The following SPATS2 variants were observed in gnomAD, a reference collection of about 807,000 sequenced individuals.
SPATS2 encodes the protein spermatogenesis-associated serine-rich protein 2.
Under a neutral mutation model 63.7 loss-of-function variants are expected in SPATS2, and 38 were observed. The observed-to-expected ratio is 0.60, with a 90% CI of 0.46 to 0.78. The LOEUF (loss-of-function observed/expected upper bound fraction) is 0.78. Ranked by LOEUF, SPATS2 falls within the 30% of genes least tolerant of loss-of-function variation. The pLI is 0.00. For missense variants in SPATS2, 588 were observed against 666.2 expected (o/e 0.88, Z 1.29); for synonymous variants, 207 against 232.9 (o/e 0.89, Z 1.01).
At chr12:49,389,526 C>T in intron 2 of SPATS2, 1 of 927,858 alleles carries the variant, frequency 1.1e-6, no homozygotes. Flanking sequence ...ATGAGTTGCA[C>T]AATTGAGAAG....
At chr12:49,420,090 T>TA (rs1157230320) in intron 2 of SPATS2, among the ~76,000 whole-genome samples, 2 of 152,220 alleles carry the variant, frequency 1.3e-5, no homozygotes, top group Non-Finnish European at 2.9e-5. Flanking sequence ...CTATGCTTCT[T>TA]AGAGTCCTAA....
At position 49,526,134 on chromosome 12, in the gene SPATS2, A is replaced by T; in HGVS notation, c.1517A>T (p.His506Leu). The change falls in exon 14 of 14, where the codon CAC becomes CTC. Residue 506 changes from histidine to leucine, a missense_variant. Coordinates refer to ENST00000552918, the MANE Select transcript of SPATS2 (RefSeq NM_023071.4). ...AACACCATTGAAAGAGGCCAGACTCACTCTGCAGGGACCAATGGAACTGGA... is the reference window on the plus strand; with the variant it reads ...AACACCATTGAAAGAGGCCAGACTCTCTCTGCAGGGACCAATGGAACTGGA... ...PGNTIERGQT[H>L]SAGTNGTGVS... 6.2e-7 allele frequency: 1 copy of T among 1,614,116 alleles called. No individual in the cohort carries two copies. The highest frequency in any genetic ancestry group is 8.5e-7 in the Non-Finnish European group (1 of 1,180,008).
intron 3 of SPATS2, among the ~76,000 whole-genome samples, chr12:49,483,668 G>A (rs190446052): frequency 6.4e-4 from 98 of 152,222 alleles, no homozygotes; most frequent in Admixed American, 5.8e-3. Context: ...GTATTACCGT[G>A]GTTTTTTTGT....
At chr12:49,388,779 C>T (rs1444613460) in intron 2 of SPATS2, among the ~76,000 whole-genome samples, 1 of 151,622 alleles carries the variant, frequency 6.6e-6, no homozygotes, top group Non-Finnish European at 1.5e-5. Flanking sequence ...ACTTCAGCCT[C>T]AACCTCCCAG....
At chr12:49,461,591 G>T (rs1419485608) in intron 3 of SPATS2, among the ~76,000 whole-genome samples, 1 of 152,168 alleles carries the variant, frequency 6.6e-6, no homozygotes. Context: ...GTGAACAACA[G>T]CACTAGAACT....
chr12:49,367,504 C>G lies in SPATS2; in HGVS notation c.-390C>G, dbSNP rs567724963. 2 of 399,010 alleles carry G rather than the reference C, an allele frequency of 5.0e-6. No homozygotes were observed. Among genetic ancestry groups the G allele is most frequent in the Non-Finnish European group, 8.8e-6 (2 of 226,828 alleles). 24.7% of individuals were successfully genotyped at this position (399,010 alleles called of 1,614,324 possible). A position where few individuals can be genotyped will look rare whatever the true frequency, so the allele number is the denominator to read the frequency against. On this transcript the variant is annotated 5_prime_UTR_variant, in exon 1 of 14. Transcript: ENST00000552918. ...CTCTAGAAGGGGAGGTGGAGGATCT[C>G]CTTTCCTCTTCTCAGACCCGGGAGC...
At chr12:49,441,087 C>T (rs998204895) in intron 2 of SPATS2, among the ~76,000 whole-genome samples, 3 of 152,170 alleles carry the variant, frequency 2.0e-5, no homozygotes, top group Non-Finnish European at 2.9e-5. Flanking sequence ...AAGCACTATT[C>T]TAAGTGCATT....
chr12:49,429,263 T>TA (rs1324148705), intron 2 of SPATS2, among the ~76,000 whole-genome samples: 2 of 152,212 alleles, frequency 1.3e-5, no homozygotes, highest in African/African-American at 2.4e-5. Context: ...TTCTTTTTTT[T>TA]ATTAAAAAAA....
chr12:49,369,402 C>T (rs149647541), intron 1 of SPATS2, among the ~76,000 whole-genome samples: 1 of 152,140 alleles, frequency 6.6e-6, no homozygotes, highest in Non-Finnish European at 1.5e-5. Flanking sequence ...TTATCTCATT[C>T]AATCCTCACA....
In SPATS2 at chr12:49,460,991, T is replaced by C; in HGVS notation, c.-22T>C. On this transcript the variant is annotated 5_prime_UTR_variant, in exon 3 of 14. Coordinates refer to ENST00000552918, the MANE Select transcript of SPATS2 (RefSeq NM_023071.4). The stretch of plus-strand genomic sequence containing the variant: ...CAAAAGGATACTTTTCTTGTATATT[T>C]TTTGAGATCGAAGAAACGACAATGT... The C allele has an allele frequency of 1.2e-6, 2 of 1,613,702 alleles. No individual in the cohort carries two copies. The highest frequency in any genetic ancestry group is 8.5e-7 in the Non-Finnish European group (1 of 1,179,810).
intron 2 of SPATS2, among the ~76,000 whole-genome samples, chr12:49,438,604 T>C (rs931522919): frequency 6.6e-6 from 1 of 152,232 alleles, no homozygotes; most frequent in Non-Finnish European, 1.5e-5. Context: ...TATTGTCTAT[T>C]TTTAAAAAAT....
chr12:49,421,370 A>G (rs992687712), intron 2 of SPATS2, among the ~76,000 whole-genome samples: 2 of 137,138 alleles, frequency 1.5e-5, no homozygotes, highest in Non-Finnish European at 3.1e-5. Context: ...GTGAGTGGAG[A>G]TGACACCACT....
At chr12:49,486,963 T>C (rs1440611503) in intron 4 of SPATS2, among the ~76,000 whole-genome samples, 3 of 152,146 alleles carry the variant, frequency 2.0e-5, no homozygotes, top group Non-Finnish European at 2.9e-5. Context: ...TCTTTTCTCA[T>C]CTTATTTTAA....
intron 2 of SPATS2, chr12:49,389,781 T>G (rs1944387967): frequency 1.7e-6 from 2 of 1,207,556 alleles, no homozygotes; most frequent in African/African-American, 3.0e-5. Context: ...ATTGCGTACA[T>G]CCCTGGAAGA....
At chr12:49,478,229 T>C (rs560978980) in intron 3 of SPATS2, among the ~76,000 whole-genome samples, 4 of 152,320 alleles carry the variant, frequency 2.6e-5, no homozygotes, top group Non-Finnish European at 5.9e-5. Flanking sequence ...TACTCCTATC[T>C]TGGCCTCCCA....
chr12:49,442,690 G>A (rs993115058), intron 2 of SPATS2: 1 of 149,514 alleles, frequency 6.7e-6, no homozygotes, highest in African/African-American at 2.5e-5. Context: ...AGGCTGAGGT[G>A]GGAGGATTGC....
intron 2 of SPATS2, among the ~76,000 whole-genome samples, chr12:49,436,706 C>T (rs1263406674): frequency 1.4e-5 from 2 of 139,096 alleles, no homozygotes; most frequent in Non-Finnish European, 3.1e-5. Context: ...CCTCACCTCC[C>T]GGATGGGGCG....
intron 2 of SPATS2, among the ~76,000 whole-genome samples, chr12:49,380,720 T>G (rs1165034119): frequency 6.6e-6 from 1 of 151,238 alleles, no homozygotes. Context: ...AAAAAATATA[T>G]ATATATATTT....
chr12:49,480,506 A>C (rs1364674987), intron 3 of SPATS2, among the ~76,000 whole-genome samples: 1 of 152,308 alleles, frequency 6.6e-6, no homozygotes, highest in East Asian at 1.9e-4. Context: ...TGCACTAGAC[A>C]GTAAAACTCT....
Sources: gnomAD v4.1 joint callset for allele counts (sites outside exome capture counted in the v4.1 genomes callset) on GRCh38, gnomAD v4.1.1 for gene constraint, MANE v1.5 for transcripts, NCBI Gene and HGNC (gene_info 2026-07-23, HGNC 2026-07-21) for gene names.